Variants in TIAM1 observed in about 807,000 individuals in gnomAD.
The protein encoded by TIAM1 is rho guanine nucleotide exchange factor TIAM1.
A neutral mutation model predicts 163.5 loss-of-function variants in TIAM1; 65 were observed. That is an observed-to-expected ratio of 0.40 (90% CI 0.33 to 0.49). The LOEUF is 0.49. TIAM1 is among the 20% of genes least tolerant of loss of function. The probability of loss-of-function intolerance (pLI) is 0.77; values close to 1 mark genes in which losing one functional copy is unlikely to be tolerated. For synonymous variants in TIAM1, 833 were observed against 810.1 expected (o/e 1.03, Z -0.48); for missense variants, 1,789 against 2,044.7 (o/e 0.87, Z 2.41).
Position 31,331,646 on chromosome 21 carries a change from T to C in TIAM1, c.-189+7597A>G, listed in dbSNP as rs1349474616. Reference sequence around the variant, plus strand: ...CCATTGGACAGCACTACTTTCCTACTGAGGGCTGACATTCTGCAGATAAAT... The same window carrying C: ...CCATTGGACAGCACTACTTTCCTACCGAGGGCTGACATTCTGCAGATAAAT... On this transcript the variant is annotated intron_variant, in intron 2 of 27. Transcript: ENST00000541036. Among the ~76,000 whole-genome samples, 4 of 152,328 alleles carry C rather than the reference T, an allele frequency of 2.6e-5. No homozygotes were observed. In the East Asian group the frequency reaches 7.7e-4, roughly 29 times the overall value.
intron 1 of TIAM1, among the ~76,000 whole-genome samples, chr21:31,526,579 T>C (rs2047793336): frequency 2.6e-5 from 4 of 152,180 alleles, no homozygotes; most frequent in Admixed American, 1.3e-4. Flanking sequence ...CCCACGACAA[T>C]GCAGACCCTG....
intron 2 of TIAM1, among the ~76,000 whole-genome samples, chr21:31,296,079 G>A (rs543113273): frequency 2.0e-4 from 31 of 152,240 alleles, no homozygotes; most frequent in Non-Finnish European, 3.4e-4. Context: ...GATTACAGGC[G>A]TGAGCCACCG....
chr21:31,277,400 C>G (rs1043528055), intron 2 of TIAM1, among the ~76,000 whole-genome samples: 1 of 152,226 alleles, frequency 6.6e-6, no homozygotes, highest in African/African-American at 2.4e-5. Flanking sequence ...AATCCCAGCA[C>G]TTTGGGAGGC....
At chr21:31,287,450 G>C (rs1306560695) in intron 2 of TIAM1, among the ~76,000 whole-genome samples, 1 of 152,228 alleles carries the variant, frequency 6.6e-6, no homozygotes, top group South Asian at 2.1e-4. Context: ...ACTCAGACAG[G>C]GCTGTAACAG....
chr21:31,554,239 A>AGCTTG (rs1311327033), intron 1 of TIAM1, among the ~76,000 whole-genome samples: 14 of 152,148 alleles, frequency 9.2e-5, no homozygotes, highest in African/African-American at 2.9e-4. Context: ...ACCCATTCCA[A>AGCTTG]GCTTGGACAC....
At chr21:31,226,152 T>G (rs2087959230) in intron 6 of TIAM1, among the ~76,000 whole-genome samples, 1 of 152,088 alleles carries the variant, frequency 6.6e-6, no homozygotes, top group South Asian at 2.1e-4. Context: ...CACTCTCCCC[T>G]CCTCCCTTTC....
At chr21:31,397,639 C>T (rs977065808) in intron 2 of TIAM1, among the ~76,000 whole-genome samples, 5 of 152,194 alleles carry the variant, frequency 3.3e-5, no homozygotes, top group African/African-American at 1.2e-4. Context: ...CAATTTATGG[C>T]CATCCTTCCT....
At chr21:31,475,330 G>A (rs951733610) in intron 1 of TIAM1, among the ~76,000 whole-genome samples, 7 of 151,874 alleles carry the variant, frequency 4.6e-5, no homozygotes, top group Non-Finnish European at 7.4e-5. Flanking sequence ...TTAGGATTAC[G>A]GATTACTGAT....
chr21:31,190,338 G>T (rs2085495534), intron 13 of TIAM1, among the ~76,000 whole-genome samples: 4 of 152,132 alleles, frequency 2.6e-5, no homozygotes, highest in Admixed American at 2.6e-4. Context: ...CTTGAGTCTA[G>T]GAGGTTGAGG....
At chr21:31,494,526 A>G (rs1055328513) in intron 1 of TIAM1, among the ~76,000 whole-genome samples, 1 of 152,168 alleles carries the variant, frequency 6.6e-6, no homozygotes, top group Non-Finnish European at 1.5e-5. Flanking sequence ...CTCTGCTCCT[A>G]TGCAGGAAAA....
At chr21:31,433,850 T>G (rs1242145256) in intron 2 of TIAM1, among the ~76,000 whole-genome samples, 4 of 151,888 alleles carry the variant, frequency 2.6e-5, no homozygotes, top group African/African-American at 9.7e-5. Flanking sequence ...CAGGCTGGAG[T>G]GCAGTGGTTT....
intron 1 of TIAM1, among the ~76,000 whole-genome samples, chr21:31,558,487 CA>C (rs1665758720): frequency 6.6e-6 from 1 of 152,058 alleles, no homozygotes; most frequent in Admixed American, 6.5e-5. Flanking sequence ...GACCGAGACG[CA>C]AACATAGACA....
chr21:31,280,302 G>T (rs779116682), intron 2 of TIAM1, among the ~76,000 whole-genome samples: 4 of 152,160 alleles, frequency 2.6e-5, no homozygotes, highest in Non-Finnish European at 5.9e-5. Context: ...CTCCCAATTG[G>T]TGAGTAAGTC....
chr21:31,130,846 TAGAG>T, intron 24 of TIAM1, 40 bp downstream of exon 24: 9 of 1,561,598 alleles, frequency 5.8e-6, no homozygotes, highest in Non-Finnish European at 7.9e-6. Context: ...GATAAGCAGA[TAGAG>T]AAATAGTTTC....
chr21:31,191,491 T>G (rs949264274), intron 13 of TIAM1, among the ~76,000 whole-genome samples: 7 of 152,104 alleles, frequency 4.6e-5, no homozygotes, highest in Non-Finnish European at 1.0e-4. Flanking sequence ...AGGGAACAGG[T>G]GCCAACTGTT....
At chr21:31,316,541 C>T (rs930959370) in intron 2 of TIAM1, among the ~76,000 whole-genome samples, 12 of 152,192 alleles carry the variant, frequency 7.9e-5, no homozygotes, top group African/African-American at 2.9e-4. Flanking sequence ...AAACAATAAG[C>T]TCTGTCGCTA....
intron 2 of TIAM1, among the ~76,000 whole-genome samples, chr21:31,387,195 C>CTTTTTTTTTTTTTTTT (rs60592178): frequency 1.3e-5 from 1 of 75,150 alleles, no homozygotes; most frequent in African/African-American, 5.6e-5. Context: ...AGCTTATTCT[C>CTTTTTTTTTTTTTTTT]TTTTTTTTTT....
At chr21:31,427,229 G>C (rs901146586) in intron 2 of TIAM1, among the ~76,000 whole-genome samples, 5 of 152,190 alleles carry the variant, frequency 3.3e-5, no homozygotes, top group Non-Finnish European at 7.3e-5. Flanking sequence ...GCTCACACCT[G>C]TAATCCCAGC....
At chr21:31,310,119 C>T (rs1223300526) in intron 2 of TIAM1, among the ~76,000 whole-genome samples, 1 of 152,174 alleles carries the variant, frequency 6.6e-6, no homozygotes, top group Non-Finnish European at 1.5e-5. Flanking sequence ...TGTACATTTC[C>T]AGGCCCATCA....
Sources: allele counts gnomAD v4.1 joint callset (sites outside exome capture counted in the v4.1 genomes callset), GRCh38; gene constraint gnomAD v4.1.1; transcripts MANE v1.5; gene names NCBI Gene and HGNC (gene_info 2026-07-23, HGNC 2026-07-21).